ANKRD17: variants seen among roughly 807,000 people sequenced by gnomAD.
ANKRD17 encodes ankyrin repeat domain-containing protein 17.
A neutral mutation model predicts 229.7 loss-of-function variants in ANKRD17; 19 were observed. That is an observed-to-expected ratio of 0.08 (90% CI 0.06 to 0.12). The LOEUF is 0.12. Ranked by LOEUF, ANKRD17 falls within the 10% of genes least tolerant of loss-of-function variation. ANKRD17 has a pLI of 1.00. For missense variants in ANKRD17, 2,176 were observed against 3,176.8 expected (o/e 0.68, Z 7.57); for synonymous variants, 1,112 against 1,146.1 (o/e 0.97, Z 0.60).
chr4:73,167,682 C>T (rs768540005), intron 2 of ANKRD17, among the ~76,000 whole-genome samples: 1 of 152,038 alleles, frequency 6.6e-6, no homozygotes, highest in East Asian at 1.9e-4. Context: ...GTCAAATTGC[C>T]GGAAAATGCT....
In ANKRD17 at chr4:73,118,736, A is replaced by T; in HGVS notation, c.4140T>A (p.Asp1380Glu). The T allele has an allele frequency of 1.2e-6, 2 of 1,614,132 alleles. No individual in the cohort carries two copies. The highest frequency in any genetic ancestry group is 1.7e-6 in the Non-Finnish European group (2 of 1,180,016). ...GAGTTATCTTGCGGTTATCTGCTGC[A>T]TCCACATCTGCACCTGCTTGCACCA... ...QLLVQAGADV[D>E]AADNRKITPL... The change falls in exon 22 of 34, where the codon GAT becomes GAA. Residue 1380 changes from aspartate to glutamate, a missense_variant. Asp to Glu is a conservative substitution (Grantham distance 45). Around this residue, in one of 18 missense-constraint regions of ANKRD17, gnomAD observed 178 missense variants for 421.7 expected, o/e 0.42. Coordinates refer to ENST00000358602, the MANE Select transcript of ANKRD17 (RefSeq NM_032217.5).
chr4:73,183,767 TAG>T (rs1735899062), intron 1 of ANKRD17, among the ~76,000 whole-genome samples: 1 of 152,166 alleles, frequency 6.6e-6, no homozygotes, highest in Non-Finnish European at 1.5e-5. Context: ...ACCCGGTCTA[TAG>T]AGTTTTTTTT....
At position 73,228,232 on chromosome 4, in the gene ANKRD17, G is replaced by A. The variant is rs183076454; in HGVS notation, c.393+30044C>T. On this transcript the variant is annotated intron_variant, in intron 1 of 33. Transcript: ENST00000358602. ...ATTAAAACAGAATTTAAGTTAAAAGGCTAATACGATTTGGTAAGATTTCTG... is the reference window on the plus strand; with the variant it reads ...ATTAAAACAGAATTTAAGTTAAAAGACTAATACGATTTGGTAAGATTTCTG... Among the ~76,000 whole-genome samples the A allele has an allele frequency of 7.2e-5, 11 of 152,110 alleles. No homozygotes were observed. The East Asian group carries it at 2.1e-3, about 29-fold the overall frequency.
In ANKRD17 at chr4:73,144,696, C is replaced by A. The variant is rs112041728; in HGVS notation, c.1957+49G>T. 1.8e-4 allele frequency: 227 copies of A among 1,280,598 alleles called. 1 individual carries two copies. The African/African-American group carries it at 2.8e-3, about 16-fold the overall frequency. The allele number at this position is 1,280,598 out of a possible 1,614,324, so 79.3% of individuals were successfully genotyped here. ...TTACCCTTAAATCTCTAAATGAAGG[C>A]AGGGGTAGATACCTTTCAAAAAAAG... On this transcript the variant is annotated intron_variant, in intron 11 of 33. Transcript: ENST00000358602.
intron 1 of ANKRD17, among the ~76,000 whole-genome samples, chr4:73,228,058 A>G (rs547373384): frequency 1.3e-5 from 2 of 152,296 alleles, no homozygotes; most frequent in Admixed American, 1.3e-4. Context: ...TAGAAAAAAA[A>G]CTAAAACAAT....
rs1369503424 is a variant in ANKRD17 at position 73,124,904 on chromosome 4, A to AAAC, written c.3492+6_3492+8dup. ...AAAGGAAAACAATTACACTAAGGGG[A>AAAC]AACATTACCTCCTGTCTTCCCCCAG... On this transcript the variant is annotated intron_variant, in intron 18 of 33. Coordinates refer to ENST00000358602, the MANE Select transcript of ANKRD17 (RefSeq NM_032217.5). 2 of 1,613,016 alleles carry AAAC rather than the reference A, an allele frequency of 1.2e-6. No individual in the cohort carries two copies. The highest frequency in any genetic ancestry group is 2.7e-5 in the African/African-American group (2 of 74,890).
chr4:73,101,023 A>G (rs893280502), intron 25 of ANKRD17: 19 of 959,994 alleles, frequency 2.0e-5, no homozygotes, highest in Non-Finnish European at 2.2e-5. Flanking sequence ...AACTATTTAC[A>G]TAGCATTTGC....
At chr4:73,080,481 T>G (rs1395490121) in intron 30 of ANKRD17, among the ~76,000 whole-genome samples, 1 of 152,226 alleles carries the variant, frequency 6.6e-6, no homozygotes, top group African/African-American at 2.4e-5. Context: ...CAATTATACA[T>G]GCAGTAGAAA....
At chr4:73,214,454 A>G (rs1455882915) in intron 1 of ANKRD17, among the ~76,000 whole-genome samples, 1 of 152,144 alleles carries the variant, frequency 6.6e-6, no homozygotes, top group African/African-American at 2.4e-5. Context: ...CTGTGAGGTC[A>G]AAATTATTTT....
intron 24 of ANKRD17, among the ~76,000 whole-genome samples, chr4:73,110,300 G>A (rs955909817): frequency 2.6e-5 from 4 of 152,148 alleles, no homozygotes; most frequent in African/African-American, 9.7e-5. Flanking sequence ...ATAAATAAAT[G>A]TTTACTTAAT....
chr4:73,192,358 A>C (rs370248022), intron 1 of ANKRD17, among the ~76,000 whole-genome samples: 1 of 152,110 alleles, frequency 6.6e-6, no homozygotes, highest in African/African-American at 2.4e-5. Flanking sequence ...AAAAAAACAA[A>C]AACAAAAACA....
rs969736909 is a variant in ANKRD17 at position 73,242,292 on chromosome 4, T to A, written c.393+15984A>T. Among the ~76,000 whole-genome samples, 13 of 152,248 alleles carry A rather than the reference T, an allele frequency of 8.5e-5. No homozygotes were observed. In the East Asian group the frequency reaches 1.4e-3, roughly 16 times the overall value. ...TTAGTGGCCATATACAAGATTAAAATATGCCAATCAATAGCTTCCTATATT... is the reference window on the plus strand; with the variant it reads ...TTAGTGGCCATATACAAGATTAAAAAATGCCAATCAATAGCTTCCTATATT... On this transcript the variant is annotated intron_variant, in intron 1 of 33. Coordinates refer to ENST00000358602, the MANE Select transcript of ANKRD17 (RefSeq NM_032217.5).
At chr4:73,115,995 GTTAAGA>G in intron 22 of ANKRD17, 79 bp from the exon 23 acceptor site, 1 of 1,179,290 alleles carries the variant, frequency 8.5e-7, no homozygotes, top group South Asian at 1.3e-5. Context: ...AACTTTAACA[GTTAAGA>G]TTAGGGCCAC....
chr4:73,206,425 T>C (rs6446917), intron 1 of ANKRD17, among the ~76,000 whole-genome samples: 111,035 of 142,240 alleles, frequency 0.78, 41,807 homozygotes, highest in Middle Eastern at 0.82. Flanking sequence ...AGAAAGAAAG[T>C]GAGAGAGAGA....
At chr4:73,141,008 C>A in intron 14 of ANKRD17, among the ~76,000 whole-genome samples, 1 of 152,038 alleles carries the variant, frequency 6.6e-6, no homozygotes, top group African/African-American at 2.4e-5. Flanking sequence ...GTTTGCTATA[C>A]CAACTGAAAA....
intron 9 of ANKRD17, 92 bp from the exon 10 acceptor site, chr4:73,146,965 C>T (rs76673718): frequency 9.9e-7 from 1 of 1,011,550 alleles, no homozygotes; most frequent in East Asian, 2.5e-5. Context: ...TAAGTCATAC[C>T]TCCTCAAGTT....
intron 16 of ANKRD17, among the ~76,000 whole-genome samples, chr4:73,128,976 C>T (rs1459664786): frequency 6.6e-6 from 1 of 152,090 alleles, no homozygotes; most frequent in Non-Finnish European, 1.5e-5. Flanking sequence ...ATACAGCTGA[C>T]TATTTTGTAG....
chr4:73,194,597 T>C (rs1177777537), intron 1 of ANKRD17, among the ~76,000 whole-genome samples: 1 of 152,172 alleles, frequency 6.6e-6, no homozygotes, highest in African/African-American at 2.4e-5. Flanking sequence ...TTGATTGGGA[T>C]TGCATTGATA....
intron 29 of ANKRD17, among the ~76,000 whole-genome samples, chr4:73,086,540 C>CT (rs1191723952): frequency 6.6e-6 from 1 of 151,026 alleles, no homozygotes; most frequent in African/African-American, 2.4e-5. Flanking sequence ...TGATTTTAGT[C>CT]TAACGGGTTA....
Sources: allele counts gnomAD v4.1 joint callset (sites outside exome capture counted in the v4.1 genomes callset), GRCh38; gene constraint gnomAD v4.1.1; regional missense constraint gnomAD v4.1.1; transcripts MANE v1.5; gene names NCBI Gene and HGNC (gene_info 2026-07-23, HGNC 2026-07-21).